The following VWA8 variants were observed in gnomAD, a reference collection of about 807,000 sequenced individuals.
VWA8 encodes the protein von Willebrand factor A domain containing 8.
VWA8 carries 221 observed loss-of-function variants against 241.5 expected under a neutral mutation model. The observed-to-expected ratio is 0.91, with a 90% CI of 0.82 to 1.02. The LOEUF (loss-of-function observed/expected upper bound fraction) is 1.02, where lower values mean the gene tolerates loss of function less well. Ranked by LOEUF, VWA8 falls within the 50% of genes least tolerant of loss-of-function variation. The pLI, the probability that VWA8 is intolerant of heterozygous loss-of-function variation, is 0.00. For missense variants in VWA8, 2,322 were observed against 2,328.7 expected, an observed-to-expected ratio of 1.00 and a Z score of 0.06; for synonymous variants, 852 against 827.1, an observed-to-expected ratio of 1.03 and a Z score of -0.52.
rs142495806 is a variant in VWA8, at chr13:41,852,923, A to G, written c.1425+12813T>C. Among the ~76,000 whole-genome samples the G allele has an allele frequency of 5.6e-4, 85 of 152,152 alleles. 2 individuals carry two copies. The East Asian group carries it at 0.01, about 19-fold the overall frequency. On this transcript the variant is annotated intron_variant, in intron 12 of 44. Transcript: ENST00000379310. ...GTTGTTTCTCAAGATTGCTTTGGCT[A>G]TTTGAGGTATTCTGTGGTTCCATAT...
intron 12 of VWA8, among the ~76,000 whole-genome samples, chr13:41,837,180 A>G (rs1355266716): frequency 6.6e-6 from 1 of 152,182 alleles, no homozygotes; most frequent in Non-Finnish European, 1.5e-5. Context: ...TCAGCCTCCC[A>G]AAGTGGCAAG....
intron 37 of VWA8, among the ~76,000 whole-genome samples, chr13:41,623,417 T>A (rs1002641007): frequency 3.3e-5 from 5 of 152,198 alleles, no homozygotes; most frequent in African/African-American, 1.2e-4. Context: ...CCATTGTTAT[T>A]TGGGTTTTCT....
intron 12 of VWA8, among the ~76,000 whole-genome samples, chr13:41,863,454 T>TATATATATATATATATATA (rs767135880): frequency 1.1e-4 from 10 of 94,802 alleles, no homozygotes; most frequent in African/African-American, 1.2e-4. Flanking sequence ...TATATATATA[T>TATATATATATATATATATA]TCACACACAC....
chr13:41,634,247 C>T (rs558643473), intron 37 of VWA8, among the ~76,000 whole-genome samples: 1 of 152,204 alleles, frequency 6.6e-6, no homozygotes, highest in South Asian at 2.1e-4. Flanking sequence ...TCCTCCAGAG[C>T]CTGTACTATC....
At chr13:41,959,835 C>T (rs1289120657) in intron 1 of VWA8, among the ~76,000 whole-genome samples, 1 of 152,062 alleles carries the variant, frequency 6.6e-6, no homozygotes, top group Admixed American at 6.6e-5. Context: ...GTCTCGATCT[C>T]CTGACCCCGT....
chr13:41,721,185 A>G (rs2045387054), intron 25 of VWA8, among the ~76,000 whole-genome samples, 185 bp downstream of exon 25: 1 of 152,176 alleles, frequency 6.6e-6, no homozygotes, highest in Non-Finnish European at 1.5e-5. Flanking sequence ...TTAATTCAAA[A>G]GCTGAACAGA....
At chr13:41,847,363 A>G (rs911831486) in intron 12 of VWA8, among the ~76,000 whole-genome samples, 19 of 152,332 alleles carry the variant, frequency 1.2e-4, no homozygotes, top group African/African-American at 4.6e-4. Context: ...CAGATATTTA[A>G]GTTGAGATTT....
rs1360346354 is a variant in VWA8 at position 41,615,063 on chromosome 13, C to A, written c.4633G>T (p.Gly1545Cys). Residue 1545 changes from glycine (G) to cysteine (C), a missense_variant, in exon 38 of 45, where the codon GGT (glycine) becomes TGT (cysteine). Gly to Cys is a radical substitution (Grantham distance 159). Coordinates refer to ENST00000379310, the MANE Select transcript of VWA8 (RefSeq NM_015058.2). ...TGTTTGGGGGAGCTTACATCTTCAC[C>A]ACTGTCTCTGTTGATTGTTATCTAA... ...NMQITINRDS[G>C]EDVSSPKHGK... 6.2e-7 allele frequency: 1 copy of A among 1,613,846 alleles called. No individual in the cohort carries two copies. The highest frequency in any genetic ancestry group is 1.1e-5 in the South Asian group (1 of 91,072).
At position 41,685,169 on chromosome 13, in the gene VWA8, TA is replaced by T. The variant is rs1566414234; in HGVS notation, c.4204del (p.Tyr1402IlefsTer16). On this transcript the variant is annotated frameshift_variant, in exon 35 of 45. Coordinates refer to ENST00000379310, the MANE Select transcript of VWA8 (RefSeq NM_015058.2). LOFTEE classifies it high-confidence loss of function. ...HKRSGTDTSF[Y>X]RGKKKRGTPK... ...AGTCCCCCTTTTCTTCTTTCCTCTA[TA>T]GAATGATGTATCAGTGCCACTTCGT... 2 of 1,613,522 alleles carry T rather than the reference TA, an allele frequency of 1.2e-6. No individual in the cohort carries two copies. Among genetic ancestry groups the T allele is most frequent in the Non-Finnish European group, 1.7e-6 (2 of 1,179,702 alleles).
At chr13:41,629,392 T>G (rs2044712753) in intron 37 of VWA8, among the ~76,000 whole-genome samples, 1 of 152,112 alleles carries the variant, frequency 6.6e-6, no homozygotes. Context: ...CTCTAAAAAT[T>G]AGAGGGAACA....
intron 29 of VWA8, among the ~76,000 whole-genome samples, chr13:41,693,246 T>C (rs2045192004): frequency 6.6e-6 from 1 of 152,044 alleles, no homozygotes; most frequent in African/African-American, 2.4e-5. Context: ...TCTCTTTAAA[T>C]ATTTTTATGT....
chr13:41,611,216 CTG>C (rs1015411636), intron 39 of VWA8, among the ~76,000 whole-genome samples: 1 of 131,630 alleles, frequency 7.6e-6, no homozygotes, highest in African/African-American at 3.1e-5. Context: ...GCACTTAACT[CTG>C]TGCATGTGTG....
At chr13:41,842,877 A>G (rs1377990295) in intron 12 of VWA8, among the ~76,000 whole-genome samples, 1 of 152,216 alleles carries the variant, frequency 6.6e-6, no homozygotes, top group Non-Finnish European at 1.5e-5. Context: ...GGAAAATGGC[A>G]GTCAACAATG....
chr13:41,610,012 AC>A (rs1443682484), intron 39 of VWA8, among the ~76,000 whole-genome samples: 1 of 152,134 alleles, frequency 6.6e-6, no homozygotes, highest in Non-Finnish European at 1.5e-5. Flanking sequence ...GGGCGTACAT[AC>A]TTGTGGCCAG....
At chr13:41,596,412 G>A (rs1182548200) in intron 40 of VWA8, among the ~76,000 whole-genome samples, 5 of 152,094 alleles carry the variant, frequency 3.3e-5, no homozygotes, top group Admixed American at 2.0e-4. Context: ...GTTTTGGACT[G>A]TGTATATAAA....
At position 41,866,185 on chromosome 13, in the gene VWA8, A is replaced by G. The variant is rs536633819; in HGVS notation, c.1213-149T>C. 1.0e-5 allele frequency: 10 copies of G among 962,000 alleles called. No homozygotes were observed. The South Asian group carries it at 1.8e-4, about 17-fold the overall frequency. The allele number at this position is 962,000 out of a possible 1,614,324, so 59.6% of individuals were successfully genotyped here. A position where few individuals can be genotyped will look rare whatever the true frequency, so the allele number is the denominator to read the frequency against. Reference sequence around the variant, plus strand: ...CAATATGGTGAAACCCCATCTCTACAAAAATACAAAAAAATTAGCTGGGCA... The same window carrying G: ...CAATATGGTGAAACCCCATCTCTACGAAAATACAAAAAAATTAGCTGGGCA... On this transcript the variant is annotated intron_variant, in intron 10 of 44. Coordinates refer to ENST00000379310, the MANE Select transcript of VWA8 (RefSeq NM_015058.2).
intron 42 of VWA8, among the ~76,000 whole-genome samples, chr13:41,584,907 C>T (rs895722267): frequency 1.8e-4 from 28 of 152,232 alleles, no homozygotes; most frequent in Admixed American, 1.8e-3. Flanking sequence ...TCTGCTCACA[C>T]ATTGCTCACC....
chr13:41,666,512 A>C (rs1199399893), intron 37 of VWA8, among the ~76,000 whole-genome samples: 5 of 152,172 alleles, frequency 3.3e-5, no homozygotes, highest in South Asian at 2.1e-4. Flanking sequence ...GAGCTAAACT[A>C]TATCAGCCTA....
Position 41,819,315 on chromosome 13 carries a change from G to T in VWA8, c.1772C>A (p.Ala591Glu). The T allele has an allele frequency of 6.2e-7, 1 of 1,613,316 alleles. No homozygotes were observed. The highest frequency in any genetic ancestry group is 8.5e-7 in the Non-Finnish European group (1 of 1,179,828). ...LAEPPVIGST[A>E]HQWLGPEFLT... Reference sequence around the variant, plus strand: ...GAATTCTGGTCCCAGCCACTGGTGTGCTGTGCTTCCAATAACAGGGGGTTC... The same window carrying T: ...GAATTCTGGTCCCAGCCACTGGTGTTCTGTGCTTCCAATAACAGGGGGTTC... Residue 591 changes from alanine (A) to glutamate (E), a missense_variant, in exon 15 of 45, where the codon GCA (alanine) becomes GAA (glutamate). Ala to Glu is a moderately radical substitution (Grantham distance 107). Coordinates refer to ENST00000379310, the MANE Select transcript of VWA8 (RefSeq NM_015058.2).
Sources: gnomAD v4.1 joint callset for allele counts (sites outside exome capture counted in the v4.1 genomes callset) on GRCh38, gnomAD v4.1.1 for gene constraint, MANE v1.5 for transcripts, NCBI Gene and HGNC (gene_info 2026-07-23, HGNC 2026-07-21) for gene names.